Variants in PRKAR2B observed in about 807,000 individuals in gnomAD.
PRKAR2B encodes protein kinase cAMP-dependent type II regulatory subunit beta, also known as cAMP-dependent protein kinase type II-beta regulatory subunit.
In PRKAR2B, 14 loss-of-function variants were observed where a neutral mutation model predicts 49.9. The ratio of observed to expected loss-of-function variants is 0.28; its 90% CI spans 0.19 to 0.44. The LOEUF (loss-of-function observed/expected upper bound fraction) is 0.44. PRKAR2B is among the 20% of genes least tolerant of loss of function. The pLI is 1.00. For synonymous variants in PRKAR2B, 196 were observed against 197.7 expected, an observed-to-expected ratio of 0.99 and a Z score of 0.07; for missense variants, 393 against 537.9, an observed-to-expected ratio of 0.73 and a Z score of 2.67.
rs543700859 is a variant in PRKAR2B, at chr7:107,153,311, G to T, written c.918+60G>T. The T allele has an allele frequency of 2.8e-5, 34 of 1,224,862 alleles. No homozygotes were observed. In the South Asian group the frequency reaches 5.1e-4, roughly 18 times the overall value. The allele number at this position is 1,224,862 out of a possible 1,614,324, so 75.9% of individuals were successfully genotyped here. A position where few individuals can be genotyped will look rare whatever the true frequency, so the allele number is the denominator to read the frequency against. ...TATATTCCAAAAGGTTCCTGTAGTG[G>T]TAGATCTTGATAAACTTTTCATATT... On this transcript the variant is annotated intron_variant, in intron 8 of 10. Coordinates refer to ENST00000265717, the MANE Select transcript of PRKAR2B (RefSeq NM_002736.3).
chr7:107,116,136 A>G (rs1477546917), intron 2 of PRKAR2B, among the ~76,000 whole-genome samples: 1 of 152,244 alleles, frequency 6.6e-6, no homozygotes, highest in Non-Finnish European at 1.5e-5. Context: ...GAAGAAGATA[A>G]TAACGTTTCT....
chr7:107,143,383 C>A (rs1021662231), intron 5 of PRKAR2B, among the ~76,000 whole-genome samples: 1 of 152,178 alleles, frequency 6.6e-6, no homozygotes. Flanking sequence ...TATTCAGCAT[C>A]CCCGAAGGGG....
intron 2 of PRKAR2B, among the ~76,000 whole-genome samples, chr7:107,101,424 C>T (rs569475358): frequency 1.3e-5 from 2 of 152,234 alleles, no homozygotes; most frequent in African/African-American, 4.8e-5. Flanking sequence ...CCTCTAAGTG[C>T]GCTGTAGCCA....
chr7:107,059,338 G>C (rs1051947910), intron 1 of PRKAR2B, among the ~76,000 whole-genome samples: 1 of 151,760 alleles, frequency 6.6e-6, no homozygotes, highest in African/African-American at 2.4e-5. Flanking sequence ...GAGGCCCCTC[G>C]TGTACTCTCT....
chr7:107,053,229 G>A (rs1793844725), intron 1 of PRKAR2B, among the ~76,000 whole-genome samples: 1 of 152,044 alleles, frequency 6.6e-6, no homozygotes, highest in African/African-American at 2.4e-5. Context: ...ATATATTTGA[G>A]TGTACACCCC....
chr7:107,132,423 G>A (rs903468239), intron 4 of PRKAR2B, among the ~76,000 whole-genome samples: 2 of 152,146 alleles, frequency 1.3e-5, no homozygotes, highest in African/African-American at 4.8e-5. Flanking sequence ...TGGTAATGTC[G>A]AAGATGGAGT....
chr7:107,156,550 A>G (rs1584458021), intron 8 of PRKAR2B, among the ~76,000 whole-genome samples: 1 of 152,212 alleles, frequency 6.6e-6, no homozygotes, highest in Non-Finnish European at 1.5e-5. Context: ...TCACGCCTGT[A>G]ATCCCAGCAC....
intron 1 of PRKAR2B, among the ~76,000 whole-genome samples, chr7:107,057,092 T>C (rs1793931721): frequency 6.6e-6 from 1 of 152,206 alleles, no homozygotes; most frequent in South Asian, 2.1e-4. Context: ...CGTTTCCTCA[T>C]CATTCCTGCC....
chr7:107,063,160 T>C (rs1299810371), intron 1 of PRKAR2B, among the ~76,000 whole-genome samples: 1 of 152,134 alleles, frequency 6.6e-6, no homozygotes, highest in Non-Finnish European at 1.5e-5. Context: ...TGCACCACCA[T>C]GCCTGGCTAA....
intron 2 of PRKAR2B, among the ~76,000 whole-genome samples, chr7:107,110,724 T>G (rs573053827): frequency 1.6e-4 from 24 of 152,124 alleles, no homozygotes; most frequent in Non-Finnish European, 2.9e-4. Context: ...ACCCATCACC[T>G]GCAGACTAAA....
intron 2 of PRKAR2B, among the ~76,000 whole-genome samples, chr7:107,086,504 ACT>A (rs920015732): frequency 2.0e-5 from 3 of 151,742 alleles, no homozygotes; most frequent in South Asian, 2.1e-4. Flanking sequence ...TTTAAGACAA[ACT>A]CTCTGTTGCC....
intron 2 of PRKAR2B, among the ~76,000 whole-genome samples, chr7:107,099,159 C>T (rs897679193): frequency 3.9e-5 from 6 of 152,216 alleles, no homozygotes; most frequent in Non-Finnish European, 7.3e-5. Flanking sequence ...CTGCGGTGGG[C>T]TCCACCCAGT....
At chr7:107,073,412 A>G (rs1367632605) in intron 2 of PRKAR2B, among the ~76,000 whole-genome samples, 1 of 152,202 alleles carries the variant, frequency 6.6e-6, no homozygotes, top group Non-Finnish European at 1.5e-5. Flanking sequence ...CAGAATTCCT[A>G]GCATCTTAAG....
intron 1 of PRKAR2B, among the ~76,000 whole-genome samples, chr7:107,065,615 TTAA>T (rs1354770973): frequency 4.2e-4 from 64 of 152,310 alleles, no homozygotes; most frequent in African/African-American, 1.3e-3. Flanking sequence ...ACAACTAGAC[TTAA>T]TAAGCTCTTC....
chr7:107,084,558 G>A (rs1447390789), intron 2 of PRKAR2B, among the ~76,000 whole-genome samples: 1 of 151,710 alleles, frequency 6.6e-6, no homozygotes, highest in Non-Finnish European at 1.5e-5. Context: ...CCCTGGATCA[G>A]GGAGAAAACC....
At chr7:107,139,815 A>G (rs1795759987) in intron 4 of PRKAR2B, among the ~76,000 whole-genome samples, 1 of 152,174 alleles carries the variant, frequency 6.6e-6, no homozygotes, top group African/African-American at 2.4e-5. Flanking sequence ...TTTATTCAGA[A>G]TATCTTGTTT....
At chr7:107,076,861 A>G (rs1354124553) in intron 2 of PRKAR2B, among the ~76,000 whole-genome samples, 3 of 152,230 alleles carry the variant, frequency 2.0e-5, no homozygotes, top group Non-Finnish European at 2.9e-5. Flanking sequence ...TCTCAGTGAA[A>G]TCACCCTGAA....
At position 107,145,033 on chromosome 7, in the gene PRKAR2B, GC is replaced by G. The variant is rs1417060845; in HGVS notation, c.588-1273del. On this transcript the variant is annotated intron_variant, in intron 5 of 10. Coordinates refer to ENST00000265717, the MANE Select transcript of PRKAR2B (RefSeq NM_002736.3). ...GTGACATGCAAACTGAACCTTATTTGCCTAGAAAAAGAACCCCAGTTAAAAG... is the reference window on the plus strand; with the variant it reads ...GTGACATGCAAACTGAACCTTATTTGCTAGAAAAAGAACCCCAGTTAAAAG... 7.2e-5 allele frequency among the ~76,000 whole-genome samples: 11 copies of G among 151,998 alleles called. No individual in the cohort carries two copies. In the South Asian group the frequency reaches 2.1e-3, roughly 29 times the overall value.
chr7:107,154,342 G>T (rs575502504), intron 8 of PRKAR2B, among the ~76,000 whole-genome samples: 2 of 152,282 alleles, frequency 1.3e-5, no homozygotes, highest in African/African-American at 4.8e-5. Flanking sequence ...CTAGGAAAAT[G>T]ACATTGGCAT....
Sources: allele counts gnomAD v4.1 joint callset (sites outside exome capture counted in the v4.1 genomes callset), GRCh38; gene constraint gnomAD v4.1.1; transcripts MANE v1.5; gene names NCBI Gene and HGNC (gene_info 2026-07-23, HGNC 2026-07-21).